Variants in GRID1 observed in about 807,000 individuals in gnomAD.
GRID1 encodes glutamate receptor ionotropic, delta-1.
A neutral mutation model predicts 98.0 loss-of-function variants in GRID1; 28 were observed. The ratio of observed to expected loss-of-function variants is 0.29; its 90% CI spans 0.21 to 0.39. The LOEUF is 0.39. Ranked by LOEUF, GRID1 falls within the 10% of genes least tolerant of loss-of-function variation. GRID1 has a pLI of 1.00. For synonymous variants in GRID1, 553 were observed against 538.5 expected, an observed-to-expected ratio of 1.03 and a Z score of -0.37; for missense variants, 1,111 against 1,340.5, an observed-to-expected ratio of 0.83 and a Z score of 2.67.
chr10:86,141,808 G>T (rs1845014559), intron 3 of GRID1, among the ~76,000 whole-genome samples: 1 of 152,222 alleles, frequency 6.6e-6, no homozygotes, highest in African/African-American at 2.4e-5. Flanking sequence ...AAGTCCTATT[G>T]CCTGGTACTG....
At chr10:85,740,762 T>G (rs1038578376) in intron 8 of GRID1, among the ~76,000 whole-genome samples, 3 of 152,092 alleles carry the variant, frequency 2.0e-5, no homozygotes, top group African/African-American at 7.2e-5. Context: ...TGTACTTTTT[T>G]TTTTTTTGCA....
chr10:86,006,721 A>G (rs1261131016), intron 4 of GRID1, among the ~76,000 whole-genome samples: 1 of 151,860 alleles, frequency 6.6e-6, no homozygotes, highest in Non-Finnish European at 1.5e-5. Flanking sequence ...TTCTTTATGA[A>G]CACAAGTACA....
intron 4 of GRID1, among the ~76,000 whole-genome samples, chr10:85,928,063 T>G (rs1006804719): frequency 6.6e-6 from 1 of 152,204 alleles, no homozygotes; most frequent in Non-Finnish European, 1.5e-5. Context: ...GACTTCCAGA[T>G]GCAGCTGCAT....
At chr10:85,831,159 A>G (rs1040181281) in intron 8 of GRID1, among the ~76,000 whole-genome samples, 1 of 152,106 alleles carries the variant, frequency 6.6e-6, no homozygotes, top group African/African-American at 2.4e-5. Flanking sequence ...TCCTTTGCAG[A>G]AAATTAGATG....
At chr10:86,173,926 A>C (rs1434537823) in intron 3 of GRID1, among the ~76,000 whole-genome samples, 3 of 151,852 alleles carry the variant, frequency 2.0e-5, no homozygotes, top group Non-Finnish European at 4.4e-5. Flanking sequence ...TTTTGGCTGC[A>C]TAGTATTCCA....
intron 2 of GRID1, among the ~76,000 whole-genome samples, chr10:86,360,912 G>A (rs543887591): frequency 1.3e-5 from 2 of 152,260 alleles, no homozygotes; most frequent in East Asian, 3.9e-4. Flanking sequence ...CCAAAACAGC[G>A]ACAGCACCAC....
chr10:85,715,969 T>C (rs1031025154), intron 12 of GRID1, among the ~76,000 whole-genome samples: 1 of 151,818 alleles, frequency 6.6e-6, no homozygotes, highest in African/African-American at 2.4e-5. Context: ...TGCAGTGGCA[T>C]GATCTCGGCT....
intron 2 of GRID1, among the ~76,000 whole-genome samples, chr10:86,260,277 C>CT (rs1846995715): frequency 1.3e-5 from 2 of 152,218 alleles, no homozygotes; most frequent in African/African-American, 4.8e-5. Flanking sequence ...CATGATAATA[C>CT]TTACACCAAT....
At chr10:85,615,661 C>T (rs1340120731) in intron 14 of GRID1, among the ~76,000 whole-genome samples, 1 of 152,234 alleles carries the variant, frequency 6.6e-6, no homozygotes, top group African/African-American at 2.4e-5. Context: ...CCCCAGAACA[C>T]TACAGACCTC....
intron 8 of GRID1, among the ~76,000 whole-genome samples, chr10:85,850,716 T>C (rs1843050354): frequency 6.6e-6 from 1 of 152,350 alleles, no homozygotes; most frequent in African/African-American, 2.4e-5. Context: ...GCTGATGCCC[T>C]GTGCCATATG....
At chr10:86,284,889 G>C (rs777709624) in intron 2 of GRID1, among the ~76,000 whole-genome samples, 2 of 152,176 alleles carry the variant, frequency 1.3e-5, no homozygotes, top group Non-Finnish European at 2.9e-5. Flanking sequence ...CTCAGGTCTG[G>C]CTCTACCCTG....
At chr10:86,143,538 G>A (rs1388160526) in intron 3 of GRID1, among the ~76,000 whole-genome samples, 1 of 152,098 alleles carries the variant, frequency 6.6e-6, no homozygotes, top group East Asian at 1.9e-4. Context: ...CAGAGCTCTG[G>A]ACTTTGTCCC....
chr10:85,969,507 T>C (rs753636167), intron 4 of GRID1, among the ~76,000 whole-genome samples: 19 of 152,072 alleles, frequency 1.2e-4, no homozygotes, highest in Non-Finnish European at 2.4e-4. Context: ...TTGACCTAAA[T>C]AGAATTAAAG....
intron 2 of GRID1, among the ~76,000 whole-genome samples, chr10:86,287,850 T>C (rs570933702): frequency 1.2e-4 from 18 of 151,984 alleles, no homozygotes; most frequent in African/African-American, 4.3e-4. Context: ...TAGACACTCA[T>C]ATCTAGGATG....
intron 2 of GRID1, among the ~76,000 whole-genome samples, chr10:86,255,576 T>A (rs1219514128): frequency 2.0e-5 from 3 of 152,160 alleles, no homozygotes; most frequent in Non-Finnish European, 2.9e-5. Flanking sequence ...GTCACCCTTT[T>A]CCTCCTGCAG....
intron 2 of GRID1, among the ~76,000 whole-genome samples, chr10:86,207,694 C>T (rs566025532): frequency 2.5e-3 from 352 of 142,018 alleles, no homozygotes; most frequent in African/African-American, 8.0e-3. Context: ...TGCAGTGGCG[C>T]GATCTCGACT....
chr10:85,666,814 C>T (rs1273371231), intron 12 of GRID1, among the ~76,000 whole-genome samples: 2 of 152,140 alleles, frequency 1.3e-5, no homozygotes, highest in Admixed American at 1.3e-4. Context: ...CAAGCTGGCT[C>T]CTCCCCCATA....
chr10:85,813,767 A>G (rs1445610572), intron 8 of GRID1, among the ~76,000 whole-genome samples: 1 of 151,856 alleles, frequency 6.6e-6, no homozygotes, highest in Non-Finnish European at 1.5e-5. Flanking sequence ...TGTGCAACTG[A>G]ATGTTGAAAT....
At chr10:85,974,544 C>T (rs550799407) in intron 4 of GRID1, among the ~76,000 whole-genome samples, 1 of 152,288 alleles carries the variant, frequency 6.6e-6, no homozygotes, top group South Asian at 2.1e-4. Context: ...TTATCTCTGA[C>T]ACACTGCACC....
Sources: gnomAD v4.1 joint callset for allele counts (sites outside exome capture counted in the v4.1 genomes callset) on GRCh38, gnomAD v4.1.1 for gene constraint, MANE v1.5 for transcripts, NCBI Gene and HGNC (gene_info 2026-07-23, HGNC 2026-07-21) for gene names.